Variants in ITSN2 observed in about 807,000 individuals in gnomAD.
The protein encoded by ITSN2 is intersectin-2.
Under a neutral mutation model 243.7 loss-of-function variants are expected in ITSN2, and 156 were observed. The observed-to-expected ratio is 0.64, with a 90% CI of 0.56 to 0.73. The LOEUF is 0.73. Ranked by LOEUF, ITSN2 falls within the 30% of genes least tolerant of loss-of-function variation. ITSN2 has a pLI of 0.00. For synonymous variants in ITSN2, 703 were observed against 699.9 expected, an observed-to-expected ratio of 1.00 and a Z score of -0.07; for missense variants, 1,801 against 1,996.1, an observed-to-expected ratio of 0.90 and a Z score of 1.86.
chr2:24,298,522 C>T, intron 13 of ITSN2, 143 bp downstream of exon 13: 1 of 668,796 alleles, frequency 1.5e-6, no homozygotes, highest in Middle Eastern at 4.3e-4. Flanking sequence ...GTTTCAAACT[C>T]CTGCCCCAGT....
intron 15 of ITSN2, among the ~76,000 whole-genome samples, chr2:24,289,005 A>G (rs1393483525): frequency 6.6e-6 from 1 of 152,168 alleles, no homozygotes; most frequent in Admixed American, 6.6e-5. Context: ...CCAGTACCAC[A>G]CTGTTCTGAT....
At chr2:24,232,903 A>G (rs1228607664) in intron 29 of ITSN2, among the ~76,000 whole-genome samples, 2 of 152,240 alleles carry the variant, frequency 1.3e-5, no homozygotes, top group Non-Finnish European at 2.9e-5. Flanking sequence ...TCTAAAGGCA[A>G]AAAAGGTTTA....
chr2:24,222,668 C>CTTTTTTT (rs56149622), intron 29 of ITSN2, among the ~76,000 whole-genome samples: 8 of 77,238 alleles, frequency 1.0e-4, no homozygotes, highest in African/African-American at 1.6e-4. Context: ...TTTTTCTTTT[C>CTTTTTTT]TTTTTTTTTT....
intron 27 of ITSN2, 28 bp downstream of exon 27, chr2:24,248,601 T>C (rs1054348793): frequency 1.3e-6 from 2 of 1,554,558 alleles, no homozygotes; most frequent in Non-Finnish European, 1.7e-6. Flanking sequence ...TATAATAAAA[T>C]TTATAGATGC....
At chr2:24,325,948 C>A (rs1414650665) in intron 2 of ITSN2, among the ~76,000 whole-genome samples, 1 of 152,108 alleles carries the variant, frequency 6.6e-6, no homozygotes, top group Non-Finnish European at 1.5e-5. Flanking sequence ...CACATACACA[C>A]ACACATACAC....
At chr2:24,360,081 C>T (rs1220082436) in intron 1 of ITSN2, among the ~76,000 whole-genome samples, 1 of 152,066 alleles carries the variant, frequency 6.6e-6, no homozygotes, top group Non-Finnish European at 1.5e-5. Context: ...GCGTCTGTCC[C>T]GGCCCGGCAG....
At chr2:24,296,951 T>C (rs1314365144) in intron 13 of ITSN2, among the ~76,000 whole-genome samples, 2 of 152,190 alleles carry the variant, frequency 1.3e-5, no homozygotes, top group African/African-American at 4.8e-5. Context: ...CACATTCACC[T>C]GTGTTACTGT....
chr2:24,293,704 C>G lies in ITSN2; in HGVS notation c.1707G>C (p.Gln569His). The G allele has an allele frequency of 8.3e-7, 1 of 1,207,412 alleles. No individual in the cohort carries two copies. The highest frequency in any genetic ancestry group is 1.2e-6 in the Non-Finnish European group (1 of 849,616). 74.8% of individuals were successfully genotyped at this position (1,207,412 alleles called of 1,614,324 possible). Reference sequence around the variant, plus strand: ...GAGACTTACCAGGTGTGTTACTGAACTGCATGTTTTTAATTCTTTCATTTA... The same window carrying G: ...GAGACTTACCAGGTGTGTTACTGAAGTGCATGTTTTTAATTCTTTCATTTA... ...QLLNERIKNM[Q>H]FSNTPDSGVS... Residue 569 changes from glutamine to histidine, a missense_variant, in exon 15 of 40, where the codon CAG becomes CAC. Transcript: ENST00000355123.
intron 15 of ITSN2, among the ~76,000 whole-genome samples, chr2:24,287,188 C>G (rs955452226): frequency 2.0e-5 from 3 of 151,180 alleles, no homozygotes; most frequent in African/African-American, 7.3e-5. Flanking sequence ...CATTGCTATG[C>G]AACTTGTTTT....
chr2:24,308,866 C>T lies in ITSN2; in HGVS notation c.654-110G>A, dbSNP rs562807941. On this transcript the variant is annotated intron_variant, in intron 7 of 39. Transcript: ENST00000355123. ...TTATATACCAGGGGTCCTGAACCCC[C>T]GGGCCACCGACCTGTTAGGAACCGG... 22 of 724,744 alleles carry T rather than the reference C, an allele frequency of 3.0e-5. 1 individual carries two copies. The highest frequency in any genetic ancestry group is 2.6e-4 in the South Asian group (16 of 62,478). 44.9% of individuals were successfully genotyped at this position (724,744 alleles called of 1,614,324 possible).
intron 22 of ITSN2, among the ~76,000 whole-genome samples, chr2:24,260,015 G>A (rs1451064290): frequency 1.3e-5 from 2 of 152,074 alleles, no homozygotes; most frequent in African/African-American, 4.8e-5. Context: ...CAAACTCCTG[G>A]TCTAAAGTGA....
At chr2:24,286,846 T>C (rs1679564972) in intron 15 of ITSN2, among the ~76,000 whole-genome samples, 1 of 152,300 alleles carries the variant, frequency 6.6e-6, no homozygotes, top group East Asian at 1.9e-4. Context: ...TTTAGTAACA[T>C]TATTTTAGGA....
intron 19 of ITSN2, among the ~76,000 whole-genome samples, chr2:24,271,545 A>G (rs1677348595): frequency 6.6e-6 from 1 of 152,218 alleles, no homozygotes; most frequent in Non-Finnish European, 1.5e-5. Context: ...AGTAGTAACT[A>G]TCTTCTTTTC....
chr2:24,341,662 T>C (rs1687055190), intron 1 of ITSN2, among the ~76,000 whole-genome samples: 2 of 152,072 alleles, frequency 1.3e-5, no homozygotes, highest in African/African-American at 4.8e-5. Context: ...GCAGATGACA[T>C]GAAGTCAGGA....
At chr2:24,317,930 T>C (rs1468753522) in intron 2 of ITSN2, among the ~76,000 whole-genome samples, 7 of 152,208 alleles carry the variant, frequency 4.6e-5, no homozygotes, top group African/African-American at 7.2e-5. Flanking sequence ...CCTCAAACTA[T>C]TGACAGTATT....
In ITSN2 at chr2:24,293,710, G is replaced by GTT; in HGVS notation, c.1699_1700dup (p.Asn567LysfsTer21). On this transcript the variant is annotated frameshift_variant, in exon 15 of 40. Coordinates refer to ENST00000355123, the MANE Select transcript of ITSN2 (RefSeq NM_006277.3). LOFTEE classifies it high-confidence loss of function. ...TACCAGGTGTGTTACTGAACTGCAT[G>GTT]TTTTTAATTCTTTCATTTAATAATT... 8.1e-7 allele frequency: 1 copy of GTT among 1,228,740 alleles called. No individual in the cohort carries two copies. Among genetic ancestry groups the GTT allele is most frequent in the Non-Finnish European group, 1.2e-6 (1 of 869,186 alleles). 76.1% of individuals were successfully genotyped at this position (1,228,740 alleles called of 1,614,324 possible).
In ITSN2 at chr2:24,261,677, C is replaced by A; in HGVS notation, c.2421G>T (p.Trp807Cys). ...LYGSFQGNFGWFPCNYVEKMP... is the reference protein window; with the variant it reads ...LYGSFQGNFGCFPCNYVEKMP... ...TTTTTTCTACATAATTGCATGGAAACCAGCCAAAATTTCCTTGAAAACTAC... is the reference window on the plus strand; with the variant it reads ...TTTTTTCTACATAATTGCATGGAAAACAGCCAAAATTTCCTTGAAAACTAC... Residue 807 changes from tryptophan (W) to cysteine (C), a missense_variant, in exon 21 of 40, where the codon TGG becomes TGT. Trp to Cys is a radical substitution (Grantham distance 215). Transcript: ENST00000355123. 6.2e-7 allele frequency: 1 copy of A among 1,613,578 alleles called. No individual in the cohort carries two copies. The highest frequency in any genetic ancestry group is 8.5e-7 in the Non-Finnish European group (1 of 1,179,688).
chr2:24,320,584 TCA>T (rs1243585985), intron 2 of ITSN2, among the ~76,000 whole-genome samples: 1 of 132,534 alleles, frequency 7.5e-6, no homozygotes, highest in Non-Finnish European at 1.6e-5. Flanking sequence ...TGGTGGTGGC[TCA>T]CACCTGTAAT....
chr2:24,277,103 T>G (rs184535321), intron 17 of ITSN2, among the ~76,000 whole-genome samples: 3 of 152,282 alleles, frequency 2.0e-5, no homozygotes, highest in Admixed American at 1.3e-4. Context: ...TAATCACTCA[T>G]TAGCTTAACT....
Sources: gnomAD v4.1 joint callset for allele counts (sites outside exome capture counted in the v4.1 genomes callset) on GRCh38, gnomAD v4.1.1 for gene constraint, MANE v1.5 for transcripts, NCBI Gene and HGNC (gene_info 2026-07-23, HGNC 2026-07-21) for gene names.